The following LRRC4C variants were observed in gnomAD, a reference collection of about 807,000 sequenced individuals.
The protein encoded by LRRC4C is leucine rich repeat containing 4C, also known as leucine-rich repeat-containing protein 4C.
Under a neutral mutation model 33.6 loss-of-function variants are expected in LRRC4C, and 5 were observed. The observed-to-expected ratio is 0.15, with a 90% CI of 0.08 to 0.31. LRRC4C has a LOEUF of 0.31. LRRC4C is among the 10% of genes least tolerant of loss of function. LRRC4C has a pLI of 1.00. For missense variants in LRRC4C, 560 were observed against 796.7 expected (o/e 0.70, Z 3.58); for synonymous variants, 329 against 302.0 (o/e 1.09, Z -0.93).
At chr11:40,622,045 T>A (rs1327784277) in intron 3 of LRRC4C, among the ~76,000 whole-genome samples, 2 of 151,332 alleles carry the variant, frequency 1.3e-5, no homozygotes, top group Non-Finnish European at 3.0e-5. Flanking sequence ...TTTATCCAAG[T>A]CCATTCCAGC....
chr11:40,517,624 C>T (rs557449409), intron 3 of LRRC4C, among the ~76,000 whole-genome samples: 6 of 151,996 alleles, frequency 3.9e-5, no homozygotes, highest in South Asian at 2.1e-4. Context: ...TAAGAGAAGC[C>T]TTATGGTGGT....
intron 1 of LRRC4C, among the ~76,000 whole-genome samples, chr11:41,117,031 T>TG (rs34987740): frequency 0.22 from 33,153 of 152,006 alleles, 4,239 homozygotes; most frequent in East Asian, 0.45. Flanking sequence ...GCCAGTAGAA[T>TG]GTCTAACAGT....
At chr11:41,270,261 A>T (rs1250944854) in intron 1 of LRRC4C, among the ~76,000 whole-genome samples, 1 of 152,168 alleles carries the variant, frequency 6.6e-6, no homozygotes, top group African/African-American at 2.4e-5. Context: ...CACGTATCCC[A>T]TTAGTAATTA....
At chr11:40,972,050 C>T (rs1288463666) in intron 1 of LRRC4C, among the ~76,000 whole-genome samples, 2 of 151,812 alleles carry the variant, frequency 1.3e-5, no homozygotes, top group African/African-American at 4.8e-5. Flanking sequence ...TGGGACTAGC[C>T]TTTTCTTAAA....
chr11:40,484,507 T>C (rs542098591), intron 3 of LRRC4C, among the ~76,000 whole-genome samples: 1 of 152,096 alleles, frequency 6.6e-6, no homozygotes, highest in South Asian at 2.1e-4. Context: ...GAAATAAGGA[T>C]ACGTTAGGTA....
intron 2 of LRRC4C, among the ~76,000 whole-genome samples, chr11:40,700,667 A>G (rs1945822486): frequency 6.6e-6 from 1 of 152,124 alleles, no homozygotes; most frequent in South Asian, 2.1e-4. Flanking sequence ...CTTCAAGTGC[A>G]CTTTCTGGAT....
At chr11:41,136,123 A>G (rs2087151) in intron 1 of LRRC4C, among the ~76,000 whole-genome samples, 44 of 152,272 alleles carry the variant, frequency 2.9e-4, no homozygotes, top group African/African-American at 9.6e-4. Context: ...TGGATATACA[A>G]TGAAGAACAA....
chr11:40,160,448 G>A (rs1468989195), intron 5 of LRRC4C, among the ~76,000 whole-genome samples: 2 of 152,044 alleles, frequency 1.3e-5, no homozygotes, highest in African/African-American at 4.8e-5. Context: ...GAAAAATTTC[G>A]AGGGCATGAG....
intron 2 of LRRC4C, among the ~76,000 whole-genome samples, chr11:40,694,351 C>T (rs1454211869): frequency 6.6e-6 from 1 of 152,052 alleles, no homozygotes; most frequent in Non-Finnish European, 1.5e-5. Flanking sequence ...TCTTTCCTGG[C>T]TATTTCGTTT....
At chr11:40,871,800 T>C (rs996139234) in intron 2 of LRRC4C, among the ~76,000 whole-genome samples, 2 of 152,138 alleles carry the variant, frequency 1.3e-5, no homozygotes, top group Non-Finnish European at 2.9e-5. Context: ...CTTATCCTTC[T>C]TTATACCTGC....
At chr11:41,283,333 T>A (rs1949727370) in intron 1 of LRRC4C, among the ~76,000 whole-genome samples, 1 of 152,132 alleles carries the variant, frequency 6.6e-6, no homozygotes, top group African/African-American at 2.4e-5. Flanking sequence ...TTCATTTGAG[T>A]CAACCCTTTT....
intron 1 of LRRC4C, among the ~76,000 whole-genome samples, chr11:41,410,497 C>T (rs960916156): frequency 6.6e-6 from 1 of 151,222 alleles, no homozygotes; most frequent in African/African-American, 2.4e-5. Flanking sequence ...CGGGTTTACG[C>T]CATTCGGATC....
At chr11:40,507,100 G>C (rs1023182723) in intron 3 of LRRC4C, among the ~76,000 whole-genome samples, 1 of 151,976 alleles carries the variant, frequency 6.6e-6, no homozygotes, top group Non-Finnish European at 1.5e-5. Flanking sequence ...TACTAATATT[G>C]GAATAGGGAT....
At chr11:40,449,345 C>A (rs1267101975) in intron 3 of LRRC4C, among the ~76,000 whole-genome samples, 37 of 140,276 alleles carry the variant, frequency 2.6e-4, no homozygotes, top group South Asian at 4.4e-4. Flanking sequence ...ACAAAAGAAG[C>A]AAAAAAAAAA....
At chr11:40,358,847 T>TATTC (rs370496230) in intron 3 of LRRC4C, among the ~76,000 whole-genome samples, 6 of 152,248 alleles carry the variant, frequency 3.9e-5, no homozygotes, top group East Asian at 3.9e-4. Context: ...CCAAGGAAGC[T>TATTC]ATTCATTCAT....
Position 40,958,827 on chromosome 11 carries a change from G to T in LRRC4C, c.-495-25104C>A, listed in dbSNP as rs116381826. Among the ~76,000 whole-genome samples the T allele has an allele frequency of 6.7e-3, 1,017 of 151,824 alleles. 11 individuals carry two copies. The highest frequency in any genetic ancestry group is 0.022 in the African/African-American group (928 of 41,510). ...AACATACAGGATTACAACAGGAAGA[G>T]GAGCTATCAGGATTCATAAAGAAAA... is the stretch of plus-strand genomic sequence containing the variant. On this transcript the variant is annotated intron_variant, in intron 1 of 6. Transcript: ENST00000528697.
At chr11:41,211,347 T>C (rs1204705723) in intron 1 of LRRC4C, among the ~76,000 whole-genome samples, 2 of 152,174 alleles carry the variant, frequency 1.3e-5, no homozygotes, top group African/African-American at 4.8e-5. Context: ...TTTTGTATTA[T>C]ACTTTAAGTT....
intron 1 of LRRC4C, among the ~76,000 whole-genome samples, chr11:41,447,343 A>G (rs1955857107): frequency 6.6e-6 from 1 of 152,194 alleles, no homozygotes; most frequent in African/African-American, 2.4e-5. Context: ...TGAAATATGT[A>G]ACTAAGAAAT....
intron 1 of LRRC4C, among the ~76,000 whole-genome samples, chr11:41,115,860 A>G (rs1942093697): frequency 6.6e-6 from 1 of 152,058 alleles, no homozygotes; most frequent in African/African-American, 2.4e-5. Flanking sequence ...TATCCAAGGC[A>G]TTACTGATGC....
Sources: allele counts gnomAD v4.1 joint callset (sites outside exome capture counted in the v4.1 genomes callset), GRCh38; gene constraint gnomAD v4.1.1; transcripts MANE v1.5; gene names NCBI Gene and HGNC (gene_info 2026-07-23, HGNC 2026-07-21).